The following COL22A1 variants were observed in gnomAD, a reference collection of about 807,000 sequenced individuals.
COL22A1 encodes collagen type XXII alpha 1 chain.
A neutral mutation model predicts 248.9 loss-of-function variants in COL22A1; 221 were observed. That is an observed-to-expected ratio of 0.89 (90% CI 0.80 to 0.99). The LOEUF (loss-of-function observed/expected upper bound fraction) is 0.99. Among genes scored for constraint, COL22A1 ranks in the 50% least tolerant of loss-of-function variants. The pLI, the probability that COL22A1 is intolerant of heterozygous loss-of-function variation, is 0.00. For synonymous variants in COL22A1, 891 were observed against 793.4 expected (o/e 1.12, Z -2.07); for missense variants, 2,240 against 2,179.0 (o/e 1.03, Z -0.56).
rs1312578588 is a variant in COL22A1 at position 138,743,447 on chromosome 8, G to A, written c.2086-5870C>T. Among the ~76,000 whole-genome samples, 3 of 151,838 alleles carry A rather than the reference G, an allele frequency of 2.0e-5. No individual in the cohort carries two copies. The South Asian group carries it at 6.2e-4, about 32-fold the overall frequency. ...GGTAGTGATCATGATGGTGATGGTG[G>A]AGTTGATGGTTTTGGTGGTAATGAT... On this transcript the variant is annotated intron_variant, in intron 22 of 64. Transcript: ENST00000303045.
chr8:138,727,035 G>A (rs1830372369), intron 23 of COL22A1, among the ~76,000 whole-genome samples: 2 of 152,088 alleles, frequency 1.3e-5, no homozygotes, highest in Admixed American at 1.3e-4. Flanking sequence ...TGGATGTGGC[G>A]TTCTGCATAT....
intron 4 of COL22A1, among the ~76,000 whole-genome samples, chr8:138,841,762 T>C (rs1262173303): frequency 6.6e-6 from 1 of 152,104 alleles, no homozygotes; most frequent in Non-Finnish European, 1.5e-5. Flanking sequence ...AAGACAACAG[T>C]GGTCTGGATG....
intron 57 of COL22A1, among the ~76,000 whole-genome samples, chr8:138,607,721 G>A (rs535958512): frequency 6.6e-6 from 1 of 152,184 alleles, no homozygotes; most frequent in South Asian, 2.1e-4. Context: ...GATGCCTACG[G>A]TTATAGTCAA....
chr8:138,632,591 A>G (rs114713185), intron 49 of COL22A1, among the ~76,000 whole-genome samples: 2,747 of 152,300 alleles, frequency 0.018, 74 homozygotes, highest in African/African-American at 0.062. Flanking sequence ...CCTAAACTGT[A>G]CTAGGTACAA....
chr8:138,803,544 T>C (rs950079158), intron 10 of COL22A1, among the ~76,000 whole-genome samples: 7 of 151,872 alleles, frequency 4.6e-5, no homozygotes, highest in African/African-American at 1.7e-4. Flanking sequence ...TAAAATAAAA[T>C]AAAACAAAAC....
At chr8:138,668,115 C>T (rs1049827158) in intron 41 of COL22A1, among the ~76,000 whole-genome samples, 2 of 152,080 alleles carry the variant, frequency 1.3e-5, no homozygotes, top group Non-Finnish European at 2.9e-5. Flanking sequence ...AATTTTAACA[C>T]TGACTAGATA....
chr8:138,703,876 C>A (rs1296372124), intron 30 of COL22A1, among the ~76,000 whole-genome samples: 1 of 152,152 alleles, frequency 6.6e-6, no homozygotes, highest in Non-Finnish European at 1.5e-5. Flanking sequence ...CTTCCCTAGC[C>A]AAGGGAACCC....
At chr8:138,753,553 T>G (rs188404814) in intron 21 of COL22A1, among the ~76,000 whole-genome samples, 1 of 152,256 alleles carries the variant, frequency 6.6e-6, no homozygotes, top group African/African-American at 2.4e-5. Flanking sequence ...TCCTGTCTAA[T>G]GGACCCTAGA....
intron 3 of COL22A1, among the ~76,000 whole-genome samples, chr8:138,870,196 T>A (rs1206546394): frequency 6.6e-6 from 1 of 151,680 alleles, no homozygotes; most frequent in Non-Finnish European, 1.5e-5. Context: ...GCCAATGGTG[T>A]GTGGAGCTGT....
chr8:138,594,714 C>T (rs141352265), intron 62 of COL22A1, among the ~76,000 whole-genome samples: 25 of 152,276 alleles, frequency 1.6e-4, no homozygotes, highest in East Asian at 5.8e-4. Context: ...CTACCCCAGG[C>T]GCAGAACGAC....
chr8:138,814,537 G>A (rs1261786581), intron 7 of COL22A1, among the ~76,000 whole-genome samples: 1 of 152,130 alleles, frequency 6.6e-6, no homozygotes, highest in African/African-American at 2.4e-5. Context: ...AAGGAATTAG[G>A]GTGGCTGCAA....
At chr8:138,758,638 A>G (rs7824190) in intron 18 of COL22A1, among the ~76,000 whole-genome samples, 137,678 of 152,232 alleles carry the variant, frequency 0.9, 62,373 homozygotes, top group East Asian at 0.99. Context: ...CCGTCTCTGC[A>G]GTTCCAGTGA....
intron 16 of COL22A1, among the ~76,000 whole-genome samples, chr8:138,775,591 G>T (rs1814365737): frequency 6.6e-6 from 1 of 152,150 alleles, no homozygotes; most frequent in African/African-American, 2.4e-5. Flanking sequence ...GACCAGAGAA[G>T]TTATGTAACT....
chr8:138,649,191 T>C (rs374736714), intron 46 of COL22A1, among the ~76,000 whole-genome samples: 16 of 152,306 alleles, frequency 1.1e-4, no homozygotes, highest in African/African-American at 3.8e-4. Flanking sequence ...AACTTCCCCA[T>C]TGTCTACATG....
At chr8:138,866,077 G>T (rs1822874862) in intron 3 of COL22A1, among the ~76,000 whole-genome samples, 1 of 151,966 alleles carries the variant, frequency 6.6e-6, no homozygotes, top group Non-Finnish European at 1.5e-5. Flanking sequence ...AGAAACCAGG[G>T]TAAACATAAT....
rs759371688 is a variant in COL22A1, at chr8:138,657,728, C to G, written c.3286-1784G>C. ...TGTTGGGCCCAATGGGCTCAGAGAA[C>G]AGTGGACAGTGTGGGGATGTAGATG... On this transcript the variant is annotated intron_variant, in intron 44 of 64. Transcript: ENST00000303045. 2.6e-5 allele frequency among the ~76,000 whole-genome samples: 4 copies of G among 152,110 alleles called. No homozygotes were observed. The East Asian group carries it at 7.7e-4, about 29-fold the overall frequency.
intron 18 of COL22A1, among the ~76,000 whole-genome samples, chr8:138,759,268 T>C (rs2873682): frequency 0.66 from 100,773 of 152,050 alleles, 34,015 homozygotes; most frequent in East Asian, 0.93. Context: ...GGAGCAGCCT[T>C]CTCCCATATT....
intron 53 of COL22A1, among the ~76,000 whole-genome samples, chr8:138,618,849 T>C (rs1316160891): frequency 1.3e-5 from 2 of 152,154 alleles, no homozygotes; most frequent in African/African-American, 2.4e-5. Flanking sequence ...TACATAGAGT[T>C]CATTTTTGTA....
At chr8:138,881,299 G>A (rs201507657) in intron 2 of COL22A1, among the ~76,000 whole-genome samples, 257 of 139,104 alleles carry the variant, frequency 1.8e-3, no homozygotes, top group Non-Finnish European at 2.3e-3. Context: ...GAGAGGCTCA[G>A]AAAAAAAAAA....
Sources: allele counts gnomAD v4.1 joint callset (sites outside exome capture counted in the v4.1 genomes callset), GRCh38; gene constraint gnomAD v4.1.1; transcripts MANE v1.5; gene names NCBI Gene and HGNC (gene_info 2026-07-23, HGNC 2026-07-21).